Variants in MORC2 observed in about 807,000 individuals in gnomAD.
The protein encoded by MORC2 is MORC family CW-type zinc finger 2.
In MORC2, 30 loss-of-function variants were observed where a neutral mutation model predicts 136.0. The ratio of observed to expected loss-of-function variants is 0.22; its 90% CI spans 0.17 to 0.30. The LOEUF (loss-of-function observed/expected upper bound fraction) is 0.30. Ranked by LOEUF, MORC2 falls within the 10% of genes least tolerant of loss-of-function variation. MORC2 has a pLI of 1.00. For missense variants in MORC2, 922 were observed against 1,333.1 expected, an observed-to-expected ratio of 0.69 and a Z score of 4.80; for synonymous variants, 439 against 487.0, an observed-to-expected ratio of 0.90 and a Z score of 1.30.
At chr22:30,961,560 TGA>T (rs1430997506) in intron 1 of MORC2, among the ~76,000 whole-genome samples, 5 of 152,198 alleles carry the variant, frequency 3.3e-5, no homozygotes, top group Non-Finnish European at 7.3e-5. Flanking sequence ...CATTTCAACA[TGA>T]GTTTGTACTT....
chr22:30,955,384 G>A (rs1301549634), intron 3 of MORC2, among the ~76,000 whole-genome samples: 1 of 152,156 alleles, frequency 6.6e-6, no homozygotes, highest in Non-Finnish European at 1.5e-5. Flanking sequence ...TTGAACAAAA[G>A]GCTTTCAGAA....
chr22:30,932,282 T>C lies in MORC2; in HGVS notation c.2841+77A>G. Reference sequence around the variant, plus strand: ...ACTGCAACAAGCGTAACAATCATAATCACAACAGTTACAACAAATGCAGGG... The same window carrying C: ...ACTGCAACAAGCGTAACAATCATAACCACAACAGTTACAACAAATGCAGGG... On this transcript the variant is annotated intron_variant, in intron 24 of 25. Transcript: ENST00000397641. The surrounding 1 kb of genome is among the most constrained non-coding windows in gnomAD (Gnocchi z 4.4). 1 of 1,250,290 alleles carries C rather than the reference T, an allele frequency of 8.0e-7. No homozygotes were observed. Among genetic ancestry groups the C allele is most frequent in the South Asian group, 1.4e-5 (1 of 73,352 alleles). The allele number at this position is 1,250,290 out of a possible 1,614,324, so 77.4% of individuals were successfully genotyped here.
Position 30,967,979 on chromosome 22 carries a change from G to A in MORC2, c.-90C>T, listed in dbSNP as rs538397039. On this transcript the variant is annotated 5_prime_UTR_variant, in exon 1 of 26. Transcript: ENST00000397641. ...ATTTCCCAGGATTCTGTCCAGTAAA[G>A]CTTCAGTAAGTCTGTGCTCCTTAAT... 3.8e-4 allele frequency: 442 copies of A among 1,149,746 alleles called. 3 individuals are homozygous for A. In the African/African-American group the frequency reaches 5.6e-3, roughly 15 times the overall value. The allele number at this position is 1,149,746 out of a possible 1,614,324, so 71.2% of individuals were successfully genotyped here. A position where few individuals can be genotyped will look rare whatever the true frequency, so the allele number is the denominator to read the frequency against.
intron 3 of MORC2, among the ~76,000 whole-genome samples, chr22:30,955,702 G>A (rs750310012): frequency 1.3e-5 from 2 of 152,118 alleles, no homozygotes; most frequent in South Asian, 2.1e-4. Flanking sequence ...CACACTAGTC[G>A]AATTGTATTT....
chr22:30,963,507 C>A (rs545307429), intron 1 of MORC2, among the ~76,000 whole-genome samples: 2 of 151,906 alleles, frequency 1.3e-5, no homozygotes, highest in East Asian at 3.9e-4. Context: ...GCCTCAGACT[C>A]CCGAGTAGCT....
rs535966482 is a variant in MORC2 at position 30,959,979 on chromosome 22, G to A, written c.69-1285C>T. On this transcript the variant is annotated intron_variant, in intron 1 of 25. Transcript: ENST00000397641. ...AAATGCAATTTTTTTGTTTTGTTTT[G>A]TTTTTGAGACAGAGTTTCGCTCTTG... Among the ~76,000 whole-genome samples, 4 of 152,124 alleles carry A rather than the reference G, an allele frequency of 2.6e-5. No homozygotes were observed. In the South Asian group the frequency reaches 8.3e-4, roughly 31 times the overall value.
At position 30,932,825 on chromosome 22, in the gene MORC2, C is replaced by T. The variant is rs568585811; in HGVS notation, c.2523-56G>A. The T allele has an allele frequency of 1.3e-4, 210 of 1,613,060 alleles. No homozygotes were observed. The South Asian group carries it at 1.9e-3, about 15-fold the overall frequency. On this transcript the variant is annotated intron_variant, in intron 22 of 25. Transcript: ENST00000397641. This position sits in a 1 kb window ranked among gnomAD's most constrained non-coding sequence, Gnocchi z 4.4. Reference sequence around the variant, plus strand: ...TGACCCGGGCTCCCAGGATGGGCTGCTGGCAGGGAGGCCGGGGATACCTCC... The same window carrying T: ...TGACCCGGGCTCCCAGGATGGGCTGTTGGCAGGGAGGCCGGGGATACCTCC...
chr22:30,944,206 C>T (rs914462207), intron 6 of MORC2, among the ~76,000 whole-genome samples: 3 of 152,196 alleles, frequency 2.0e-5, no homozygotes, highest in Non-Finnish European at 4.4e-5. Context: ...GACCTTCTAG[C>T]ACCAAGTAAG....
chr22:30,940,934 A>G (rs987416912), intron 9 of MORC2, 97 bp from the exon 10 acceptor site: 1 of 1,014,780 alleles, frequency 9.9e-7, no homozygotes, highest in Non-Finnish European at 1.6e-6. Flanking sequence ...CCTCCTCCCA[A>G]GCTGTGCTGT....
chr22:30,944,835 C>G (rs187769080), intron 6 of MORC2, among the ~76,000 whole-genome samples: 2 of 152,352 alleles, frequency 1.3e-5, no homozygotes, highest in East Asian at 3.9e-4. Context: ...CTCCCTTGGG[C>G]GAGTACCGCC....
chr22:30,960,372 G>A (rs546836414), intron 1 of MORC2, among the ~76,000 whole-genome samples: 4 of 152,134 alleles, frequency 2.6e-5, no homozygotes, highest in Admixed American at 6.6e-5. Flanking sequence ...AAGGCAGCAC[G>A]ACAAATATGT....
chr22:30,949,942 G>A, intron 4 of MORC2, 100 bp from the exon 5 acceptor site: 1 of 1,058,636 alleles, frequency 9.4e-7, no homozygotes, highest in Non-Finnish European at 1.4e-6. Flanking sequence ...GCAGGGGTGT[G>A]TATCTGCTGA....
chr22:30,933,359 C>T (rs920101234), intron 21 of MORC2, 107 bp downstream of exon 21: 7 of 1,269,858 alleles, frequency 5.5e-6, no homozygotes, highest in African/African-American at 1.5e-5. Context: ...AGCCCAGACC[C>T]AGGACAGATT....
intron 1 of MORC2, among the ~76,000 whole-genome samples, chr22:30,963,626 T>C (rs1156318283): frequency 2.0e-5 from 3 of 152,158 alleles, no homozygotes; most frequent in Non-Finnish European, 4.4e-5. Flanking sequence ...CCTCAAGTGA[T>C]CTGCCCACCT....
At position 30,968,177 on chromosome 22, in the gene MORC2, C is replaced by G. The variant is rs1401354062; in HGVS notation, c.-288G>C. The G allele has an allele frequency of 2.9e-6, 1 of 342,250 alleles. No homozygotes were observed. Among genetic ancestry groups the G allele is most frequent in the African/African-American group, 2.2e-5 (1 of 46,460 alleles). 21.2% of individuals were successfully genotyped at this position (342,250 alleles called of 1,614,324 possible). ...AGCTTTTAGCATTAAGTTGCGATAG[C>G]TCAATTCAGACAATCTGAGTCTCGT... On this transcript the variant is annotated 5_prime_UTR_variant, in exon 1 of 26. Coordinates refer to ENST00000397641, the MANE Select transcript of MORC2 (RefSeq NM_001303256.3).
chr22:30,943,316 G>A (rs1351444779), intron 6 of MORC2, among the ~76,000 whole-genome samples: 3 of 152,188 alleles, frequency 2.0e-5, no homozygotes, highest in Admixed American at 2.0e-4. Context: ...TCCTTCGGGG[G>A]CACAAGAAGA....
At chr22:30,948,332 G>A (rs1002569081) in intron 5 of MORC2, among the ~76,000 whole-genome samples, 6 of 152,186 alleles carry the variant, frequency 3.9e-5, no homozygotes, top group Non-Finnish European at 7.3e-5. Context: ...CTGATTCTAG[G>A]AGACTTCAGT....
At chr22:30,944,291 C>A (rs564307111) in intron 6 of MORC2, among the ~76,000 whole-genome samples, 1 of 152,186 alleles carries the variant, frequency 6.6e-6, no homozygotes, top group Non-Finnish European at 1.5e-5. Flanking sequence ...TACCTCACTA[C>A]GCCTCCCATT....
chr22:30,935,789 T>C (rs1211731892), intron 17 of MORC2, among the ~76,000 whole-genome samples: 1 of 151,832 alleles, frequency 6.6e-6, no homozygotes, highest in Non-Finnish European at 1.5e-5. Flanking sequence ...GAAAAAAACA[T>C]AGAAAAAATA....
Sources: allele counts gnomAD v4.1 joint callset (sites outside exome capture counted in the v4.1 genomes callset), GRCh38; gene constraint gnomAD v4.1.1; non-coding constraint Gnocchi (gnomAD v3.1); transcripts MANE v1.5; gene names NCBI Gene and HGNC (gene_info 2026-07-23, HGNC 2026-07-21).